The following TENM2 variants were observed in gnomAD, a reference collection of about 807,000 sequenced individuals.
The protein encoded by TENM2 is teneurin transmembrane protein 2, also known as teneurin-2.
In TENM2, 52 loss-of-function variants were observed where a neutral mutation model predicts 245.2. The ratio of observed to expected loss-of-function variants is 0.21; its 90% CI spans 0.17 to 0.27. The LOEUF is 0.27. Ranked by LOEUF, TENM2 falls within the 10% of genes least tolerant of loss-of-function variation. The pLI, the probability that TENM2 is intolerant of heterozygous loss-of-function variation, is 1.00. For synonymous variants in TENM2, 1,363 were observed against 1,438.9 expected (o/e 0.95, Z 1.19); for missense variants, 3,046 against 3,666.8 (o/e 0.83, Z 4.37).
intron 5 of TENM2, among the ~76,000 whole-genome samples, chr5:168,033,971 G>C (rs1033640975): frequency 2.6e-5 from 4 of 151,436 alleles, no homozygotes; most frequent in Non-Finnish European, 5.9e-5. Context: ...AGCTTACAGT[G>C]AGCCAAGATC....
At position 167,610,221 on chromosome 5, in the gene TENM2, T is replaced by TAC. The variant is rs1214786780; in HGVS notation, c.502+234748_502+234749insAC. On this transcript the variant is annotated intron_variant, in intron 2 of 28. Coordinates refer to ENST00000518659, the Ensembl canonical transcript of TENM2. ...ATAGGAGGAAAGGGGTGTGGAGCTT[T>TAC]CATGCCTTCCCCAGAAGCACCACCC... Among the ~76,000 whole-genome samples the TAC allele has an allele frequency of 3.9e-5, 6 of 152,196 alleles. No individual in the cohort carries two copies. In the East Asian group the frequency reaches 1.2e-3, roughly 29 times the overall value.
the TENM2 span, among the ~76,000 whole-genome samples, chr5:167,145,882 TC>T: frequency 1.3e-5 from 2 of 152,170 alleles, no homozygotes; most frequent in Non-Finnish European, 2.9e-5. Flanking sequence ...CCACTTGTAT[TC>T]TTTACAGCTC....
chr5:167,499,878 A>ATG (rs532668977), intron 2 of TENM2, among the ~76,000 whole-genome samples: 4 of 79,688 alleles, frequency 5.0e-5, no homozygotes, highest in South Asian at 4.1e-4. Flanking sequence ...GTGAGGGTAT[A>ATG]TGTGTGTGTG....
chr5:167,618,822 A>G (rs1777966246), intron 2 of TENM2, among the ~76,000 whole-genome samples: 1 of 152,122 alleles, frequency 6.6e-6, no homozygotes. Context: ...TTTTACCTGT[A>G]TAAATGTGTC....
At chr5:168,092,552 A>G (rs1397808113) in intron 8 of TENM2, among the ~76,000 whole-genome samples, 1 of 152,220 alleles carries the variant, frequency 6.6e-6, no homozygotes, top group Non-Finnish European at 1.5e-5. Context: ...TAAACTTTGT[A>G]TAATGAAAGT....
At chr5:167,953,007 T>C (rs1172721238) in intron 4 of TENM2, among the ~76,000 whole-genome samples, 185 bp downstream of exon 6, 1 of 152,222 alleles carries the variant, frequency 6.6e-6, no homozygotes, top group African/African-American at 2.4e-5. Context: ...GACAGGTATT[T>C]CTTCGTTCAC....
the TENM2 span, among the ~76,000 whole-genome samples, chr5:167,245,797 A>G: frequency 1.3e-5 from 2 of 152,204 alleles, no homozygotes; most frequent in African/African-American, 4.8e-5. Context: ...AATGACATAT[A>G]AAGGAGTAAA....
intron 2 of TENM2, among the ~76,000 whole-genome samples, chr5:167,639,938 A>G (rs1779445936): frequency 6.6e-6 from 1 of 152,190 alleles, no homozygotes; most frequent in Non-Finnish European, 1.5e-5. Flanking sequence ...CTCAGTTTAT[A>G]GATGAGTAAA....
chr5:167,970,331 T>A (rs1475290056), intron 4 of TENM2, among the ~76,000 whole-genome samples: 1 of 152,232 alleles, frequency 6.6e-6, no homozygotes, highest in Admixed American at 6.5e-5. Flanking sequence ...TCTCCTGACA[T>A]CTCTTTTAAG....
intron 2 of TENM2, among the ~76,000 whole-genome samples, chr5:167,536,127 C>A (rs1167508028): frequency 6.6e-6 from 1 of 152,152 alleles, no homozygotes; most frequent in Non-Finnish European, 1.5e-5. Flanking sequence ...CTTGATCATC[C>A]TGAACCTGAG....
chr5:167,793,193 C>T (rs1765097514), intron 2 of TENM2, among the ~76,000 whole-genome samples: 1 of 152,140 alleles, frequency 6.6e-6, no homozygotes, highest in African/African-American at 2.4e-5. Flanking sequence ...GCTTTGAGAT[C>T]AAGAGAAAAC....
the TENM2 span, among the ~76,000 whole-genome samples, chr5:167,245,484 A>G: frequency 1.3e-5 from 2 of 151,490 alleles, no homozygotes; most frequent in East Asian, 2.0e-4. Flanking sequence ...AAATGTGCAT[A>G]TATGTTGACC....
At chr5:168,005,690 C>T (rs760829839) in intron 5 of TENM2, among the ~76,000 whole-genome samples, 1 of 152,068 alleles carries the variant, frequency 6.6e-6, no homozygotes, top group Admixed American at 6.5e-5. Context: ...TAGAGAGACC[C>T]CCAACATGAA....
chr5:167,999,947 GT>G (rs1417203794), intron 5 of TENM2, among the ~76,000 whole-genome samples: 6 of 152,188 alleles, frequency 3.9e-5, no homozygotes, highest in African/African-American at 1.4e-4. Flanking sequence ...CCAGGACTTC[GT>G]GCCTCCACAG....
At position 168,246,953 on chromosome 5, in the gene TENM2, G is replaced by A. The variant is rs779328121; in HGVS notation, c.6014G>A (p.Arg2005His). The stretch of plus-strand genomic sequence containing the variant: ...ATCTTTGACTACAGTGATGACGGCC[G>A]CATCCTGAAGACCTCCTTTTTGGGC... Residue 2005 changes from arginine (R) to histidine (H), a missense_variant, in exon 27 of 29, where the codon CGC becomes CAC. Arg to His is a conservative substitution (Grantham distance 29). Coordinates refer to ENST00000518659, the Ensembl canonical transcript of TENM2. The A allele has an allele frequency of 2.1e-5, 34 of 1,613,840 alleles. 2 individuals carry two copies. In the South Asian group the frequency reaches 3.2e-4, roughly 15 times the overall value.
intron 4 of TENM2, among the ~76,000 whole-genome samples, chr5:167,968,237 A>C (rs1781522203): frequency 1.3e-5 from 2 of 152,208 alleles, no homozygotes; most frequent in African/African-American, 4.8e-5. Context: ...CCATTCTGTG[A>C]GTATTCTTTG....
At chr5:167,221,554 A>G in the TENM2 span, among the ~76,000 whole-genome samples, 2 of 152,292 alleles carry the variant, frequency 1.3e-5, no homozygotes, top group African/African-American at 4.8e-5. Flanking sequence ...TAGTAGTGAT[A>G]TTTTTAAGGA....
At chr5:167,600,102 C>T (rs1427897971) in intron 2 of TENM2, among the ~76,000 whole-genome samples, 1 of 22,586 alleles carries the variant, frequency 4.4e-5, no homozygotes. Flanking sequence ...TTATAGGATA[C>T]GTGGAACTCA....
intron 2 of TENM2, among the ~76,000 whole-genome samples, chr5:167,858,559 C>A (rs1198596410): frequency 6.6e-6 from 1 of 152,064 alleles, no homozygotes. Flanking sequence ...TCGAAGGCGC[C>A]GCGGGCTGGG....
Sources: allele counts gnomAD v4.1 joint callset (sites outside exome capture counted in the v4.1 genomes callset), GRCh38; gene constraint gnomAD v4.1.1; transcripts MANE v1.5; gene names NCBI Gene and HGNC (gene_info 2026-07-23, HGNC 2026-07-21).